LRRC28: variants seen among roughly 807,000 people sequenced by gnomAD.
LRRC28 encodes the protein leucine rich repeat containing 28, also known as leucine-rich repeat-containing protein 28.
A neutral mutation model predicts 45.7 loss-of-function variants in LRRC28; 39 were observed. That is an observed-to-expected ratio of 0.85 (90% CI 0.66 to 1.12). The LOEUF (loss-of-function observed/expected upper bound fraction) is 1.12, where lower values mean the gene tolerates loss of function less well. Among genes scored for constraint, LRRC28 ranks in the 50% most tolerant of loss-of-function variants. The pLI is 0.00. For missense variants in LRRC28, 435 were observed against 438.5 expected (o/e 0.99, Z 0.07); for synonymous variants, 206 against 178.8 (o/e 1.15, Z -1.22).
At position 99,333,951 on chromosome 15, in the gene LRRC28, A is replaced by G. The variant is rs777400728; in HGVS notation, c.414A>G (p.Thr138=). The change falls in exon 6 of 10, where the codon ACA becomes ACG. Residue 138 remains threonine (T), a synonymous_variant. Coordinates refer to ENST00000301981, the MANE Select transcript of LRRC28 (RefSeq NM_144598.5). ...TTGGCGATTTGAAGGAGCTGCAGAC[A>G]CTAGACATTTCTACCAATCGTTTGC... ...PEVGDLKELQ[T]LDISTNRLLT... 5 of 1,614,138 alleles carry G rather than the reference A, an allele frequency of 3.1e-6. No individual in the cohort carries two copies. Among genetic ancestry groups the G allele is most frequent in the Admixed American group, 1.7e-5 (1 of 59,978 alleles).
chr15:99,325,882 G>A (rs896986099), intron 5 of LRRC28, among the ~76,000 whole-genome samples: 1 of 152,062 alleles, frequency 6.6e-6, no homozygotes, highest in Non-Finnish European at 1.5e-5. Flanking sequence ...GGGAAGGACC[G>A]CCATCTGACG....
At chr15:99,324,264 T>C (rs990697272) in intron 5 of LRRC28, among the ~76,000 whole-genome samples, 1 of 152,200 alleles carries the variant, frequency 6.6e-6, no homozygotes, top group Non-Finnish European at 1.5e-5. Context: ...CAAAATGGCA[T>C]GAAATTTAAA....
intron 1 of LRRC28, among the ~76,000 whole-genome samples, chr15:99,254,399 G>A (rs571237747): frequency 2.0e-5 from 3 of 152,160 alleles, no homozygotes; most frequent in Non-Finnish European, 4.4e-5. Flanking sequence ...CAAAACTCAT[G>A]TTTATTGAAA....
chr15:99,370,961 T>C (rs1957467927), intron 9 of LRRC28, among the ~76,000 whole-genome samples: 2 of 152,224 alleles, frequency 1.3e-5, no homozygotes, highest in Admixed American at 1.3e-4. Context: ...TTTTTAATTA[T>C]TAAAACATTA....
In LRRC28 at chr15:99,259,019, C is replaced by G. The variant is rs553537808; in HGVS notation, c.168+2894C>G. 22 of 801,288 alleles carry G rather than the reference C, an allele frequency of 2.7e-5. No homozygotes were observed. The African/African-American group carries it at 2.9e-4, about 10-fold the overall frequency. The allele number at this position is 801,288 out of a possible 1,614,324, so 49.6% of individuals were successfully genotyped here. On this transcript the variant is annotated intron_variant, in intron 2 of 9. Transcript: ENST00000301981. ...TAGGAAGAAACTTGTTCATAAAACT[C>G]TGGACATGATCAAGAAGATTGCTGA...
At chr15:99,263,135 T>C (rs2081243876) in intron 2 of LRRC28, among the ~76,000 whole-genome samples, 1 of 131,576 alleles carries the variant, frequency 7.6e-6, no homozygotes, top group Admixed American at 7.8e-5. Flanking sequence ...CATCACAAAA[T>C]GCTGTCTTAT....
chr15:99,333,691 A>G lies in LRRC28; in HGVS notation c.386-232A>G, dbSNP rs1956228199. The G allele has an allele frequency of 8.9e-6, 5 of 561,658 alleles. No homozygotes were observed. The South Asian group carries it at 1.1e-4, about 12-fold the overall frequency. 34.8% of individuals were successfully genotyped at this position (561,658 alleles called of 1,614,324 possible). On this transcript the variant is annotated intron_variant, in intron 5 of 9. Coordinates refer to ENST00000301981, the MANE Select transcript of LRRC28 (RefSeq NM_144598.5). ...CCACTTTGTGTCTCTTTTTTTCTCC[A>G]TGCTACCCAGCCCTTTTCTCCATTT... is the stretch of plus-strand genomic sequence containing the variant.
Position 99,390,405 on chromosome 15 carries a change from T to G in LRRC28, c.*4303T>G, listed in dbSNP as rs1347545401. ...TATTTCTGTATGTAATTAAGAGACT[T>G]TCAAGGGTTAGCCAGACTTTTTTCC... On this transcript the variant is annotated 3_prime_UTR_variant, in exon 10 of 10. Coordinates refer to ENST00000301981, the MANE Select transcript of LRRC28 (RefSeq NM_144598.5). The G allele has an allele frequency of 3.0e-5, 4 of 135,478 alleles. No individual in the cohort carries two copies. The highest frequency in any genetic ancestry group is 6.1e-5 in the Non-Finnish European group (4 of 65,570). 8.4% of individuals were successfully genotyped at this position (135,478 alleles called of 1,614,324 possible).
intron 5 of LRRC28, chr15:99,297,283 C>G (rs1411950195): frequency 6.6e-6 from 1 of 151,944 alleles, no homozygotes; most frequent in Admixed American, 6.6e-5. Context: ...GGCAGGATCT[C>G]ACTCTGTCAC....
At chr15:99,340,213 T>C (rs1956461923) in intron 6 of LRRC28, among the ~76,000 whole-genome samples, 1 of 152,230 alleles carries the variant, frequency 6.6e-6, no homozygotes, top group Admixed American at 6.5e-5. Context: ...TTGTATTTGT[T>C]TGTAGGAATT....
At chr15:99,301,986 T>C (rs1050711916) in intron 5 of LRRC28, among the ~76,000 whole-genome samples, 9 of 152,050 alleles carry the variant, frequency 5.9e-5, no homozygotes, top group Non-Finnish European at 1.0e-4. Context: ...CTTCTTAAAC[T>C]TTATAACAAT....
At chr15:99,350,255 C>G (rs1956836631) in intron 6 of LRRC28, among the ~76,000 whole-genome samples, 1 of 152,104 alleles carries the variant, frequency 6.6e-6, no homozygotes, top group African/African-American at 2.4e-5. Context: ...TATGGGGAAG[C>G]AGATGCTCTC....
chr15:99,279,564 G>A (rs1047672382), intron 3 of LRRC28, among the ~76,000 whole-genome samples: 12 of 152,176 alleles, frequency 7.9e-5, no homozygotes, highest in Non-Finnish European at 1.2e-4. Context: ...GCACTCTAAC[G>A]TGGTCCTACC....
chr15:99,310,448 C>T (rs983509314), intron 5 of LRRC28, among the ~76,000 whole-genome samples: 3 of 152,214 alleles, frequency 2.0e-5, no homozygotes. Flanking sequence ...ATGGATCAGG[C>T]TGATAACACT....
At chr15:99,266,279 C>A (rs1330800101) in intron 2 of LRRC28, among the ~76,000 whole-genome samples, 2 of 152,060 alleles carry the variant, frequency 1.3e-5, no homozygotes, top group Admixed American at 1.3e-4. Flanking sequence ...AAAAAGAATA[C>A]AGATAGCAAA....
At chr15:99,358,950 C>T (rs534004206) in intron 7 of LRRC28, among the ~76,000 whole-genome samples, 1 of 151,898 alleles carries the variant, frequency 6.6e-6, no homozygotes, top group South Asian at 2.1e-4. Flanking sequence ...GTGGCGGGTG[C>T]CTGTAATCCT....
At chr15:99,382,153 C>T (rs1389616386) in intron 9 of LRRC28, among the ~76,000 whole-genome samples, 3 of 152,232 alleles carry the variant, frequency 2.0e-5, no homozygotes, top group African/African-American at 7.2e-5. Flanking sequence ...GGTAGGCAGG[C>T]CTCCTTGAGC....
In LRRC28 at chr15:99,377,109, G is replaced by T. The variant is rs28875902; in HGVS notation, c.1032-8921G>T. Reference sequence around the variant, plus strand: ...GGTATTTCTAGTTCTAGATCCTTGAGGAATTGCCACACTGACTTCCACAAT... The same window carrying T: ...GGTATTTCTAGTTCTAGATCCTTGATGAATTGCCACACTGACTTCCACAAT... On this transcript the variant is annotated intron_variant, in intron 9 of 9. Coordinates refer to ENST00000301981, the MANE Select transcript of LRRC28 (RefSeq NM_144598.5). Among the ~76,000 whole-genome samples the T allele has an allele frequency of 7.1e-3, 1,087 of 152,070 alleles. 8 individuals are homozygous for T. The highest frequency in any genetic ancestry group is 0.024 in the African/African-American group (1,009 of 41,342).
intron 5 of LRRC28, among the ~76,000 whole-genome samples, chr15:99,304,854 A>C (rs533989463): frequency 2.0e-5 from 3 of 152,306 alleles, no homozygotes; most frequent in African/African-American, 7.2e-5. Flanking sequence ...TATTCAGTAT[A>C]ATTTTTAATC....
Sources: gnomAD v4.1 joint callset for allele counts (sites outside exome capture counted in the v4.1 genomes callset) on GRCh38, gnomAD v4.1.1 for gene constraint, MANE v1.5 for transcripts, NCBI Gene and HGNC (gene_info 2026-07-23, HGNC 2026-07-21) for gene names.